Variants in ARHGAP5 observed in about 807,000 individuals in gnomAD.
ARHGAP5 encodes Rho GTPase activating protein 5, also known as rho GTPase-activating protein 5.
ARHGAP5 carries 23 observed loss-of-function variants against 116.6 expected under a neutral mutation model. The ratio of observed to expected loss-of-function variants is 0.20; its 90% confidence interval spans 0.14 to 0.28. The LOEUF is 0.28. Ranked by LOEUF, ARHGAP5 falls within the 10% of genes least tolerant of loss-of-function variation. The pLI, the probability that ARHGAP5 is intolerant of heterozygous loss-of-function variation, is 1.00. For synonymous variants in ARHGAP5, 574 were observed against 602.0 expected (o/e 0.95, Z 0.68); for missense variants, 1,405 against 1,774.8 (o/e 0.79, Z 3.74).
chr14:32,110,827 A>T (rs751623081), intron 2 of ARHGAP5, among the ~76,000 whole-genome samples: 11 of 152,208 alleles, frequency 7.2e-5, no homozygotes, highest in Non-Finnish European at 1.5e-4. Context: ...TTTGCTTAAC[A>T]GTTGGAAGTA....
At chr14:32,090,333 G>T (rs914343163) in intron 1 of ARHGAP5, among the ~76,000 whole-genome samples, 169 bp from the exon 2 acceptor site, 1 of 151,902 alleles carries the variant, frequency 6.6e-6, no homozygotes, top group Non-Finnish European at 1.5e-5. Flanking sequence ...AAATTTTGAG[G>T]TCATCTTGTA....
At chr14:32,105,089 A>C (rs1878949528) in intron 2 of ARHGAP5, among the ~76,000 whole-genome samples, 1 of 152,188 alleles carries the variant, frequency 6.6e-6, no homozygotes, top group Non-Finnish European at 1.5e-5. Flanking sequence ...AATAATCTTG[A>C]AGTTGAGAAA....
chr14:32,080,396 C>T (rs1469837337), intron 1 of ARHGAP5, among the ~76,000 whole-genome samples: 1 of 150,504 alleles, frequency 6.6e-6, no homozygotes, highest in Non-Finnish European at 1.5e-5. Flanking sequence ...AACAACAAAC[C>T]CCCTTGACAT....
intron 3 of ARHGAP5, among the ~76,000 whole-genome samples, chr14:32,117,752 G>T (rs1180783790): frequency 6.6e-6 from 1 of 152,138 alleles, no homozygotes; most frequent in East Asian, 1.9e-4. Context: ...TATTTATTCA[G>T]TTCTAGCTTG....
chr14:32,135,535 G>T (rs1016885851), intron 3 of ARHGAP5, among the ~76,000 whole-genome samples: 1 of 152,228 alleles, frequency 6.6e-6, no homozygotes, highest in African/African-American at 2.4e-5. Flanking sequence ...CAGTTCTCCT[G>T]CCTCAGCCTC....
intron 4 of ARHGAP5, among the ~76,000 whole-genome samples, chr14:32,147,709 A>G (rs982198579): frequency 4.6e-5 from 7 of 152,208 alleles, no homozygotes; most frequent in Admixed American, 3.9e-4. Flanking sequence ...AATAAGTAGA[A>G]TGAATACCAA....
At chr14:32,085,587 A>G (rs7140954) in intron 1 of ARHGAP5, among the ~76,000 whole-genome samples, 9,491 of 152,204 alleles carry the variant, frequency 0.062, 987 homozygotes, top group African/African-American at 0.21. Flanking sequence ...AGCTGCTTGC[A>G]AAAAGTTTGC....
At chr14:32,144,483 T>C (rs1356800427) in intron 3 of ARHGAP5, among the ~76,000 whole-genome samples, 1 of 151,742 alleles carries the variant, frequency 6.6e-6, no homozygotes, top group Non-Finnish European at 1.5e-5. Context: ...TTTATATTTA[T>C]ATTTATTTAT....
At chr14:32,083,872 C>T (rs1159193371) in intron 1 of ARHGAP5, among the ~76,000 whole-genome samples, 1 of 152,166 alleles carries the variant, frequency 6.6e-6, no homozygotes, top group Non-Finnish European at 1.5e-5. Flanking sequence ...AGGTGAACTA[C>T]CAAGCCATAG....
intron 3 of ARHGAP5, among the ~76,000 whole-genome samples, chr14:32,127,785 G>A (rs959584978): frequency 4.0e-5 from 6 of 151,520 alleles, no homozygotes; most frequent in Non-Finnish European, 7.4e-5. Flanking sequence ...GAGACAGGGC[G>A]GCTGGAGGCG....
chr14:32,091,854 T>A lies in ARHGAP5; in HGVS notation c.1185T>A (p.Ile395=), dbSNP rs1296576822. Residue 395 remains isoleucine (I), a synonymous_variant, in exon 2 of 7, where the codon ATT becomes ATA. Coordinates refer to ENST00000345122, the MANE Select transcript of ARHGAP5 (RefSeq NM_001030055.2). ...PWDETDHIDK[I]NDRRIPFDLL... ...ATGAAACTGACCATATAGACAAAAT[T>A]AATGATAGGCGGATTCCATTTGACC... 1 of 1,613,306 alleles carries A rather than the reference T, an allele frequency of 6.2e-7. No homozygotes were observed. The highest frequency in any genetic ancestry group is 1.7e-5 in the Admixed American group (1 of 59,932).
chr14:32,146,153 C>G, intron 3 of ARHGAP5, 110 bp from the exon 4 acceptor site: 1 of 715,880 alleles, frequency 1.4e-6, no homozygotes. Flanking sequence ...CCAAGCAGTT[C>G]TCCCACCTTG....
chr14:32,140,097 CTT>C (rs1182430088), intron 3 of ARHGAP5, among the ~76,000 whole-genome samples: 7 of 25,392 alleles, frequency 2.8e-4, no homozygotes, highest in African/African-American at 1.2e-3. Context: ...GTTATTTGTT[CTT>C]TTTTTTTTTT....
rs141924058 is a variant in ARHGAP5, at chr14:32,129,915, C to T, written c.3865+12628C>T. 1.2e-3 allele frequency among the ~76,000 whole-genome samples: 176 copies of T among 152,210 alleles called. 2 individuals carry two copies. The South Asian group carries it at 0.019, about 16-fold the overall frequency. On this transcript the variant is annotated intron_variant, in intron 3 of 6. Coordinates refer to ENST00000345122, the MANE Select transcript of ARHGAP5 (RefSeq NM_001030055.2). Reference sequence around the variant, plus strand: ...GCAGTTCACTTTGACTGTATGACCACACTTCCAGGCACAGTGGCTCACACC... The same window carrying T: ...GCAGTTCACTTTGACTGTATGACCATACTTCCAGGCACAGTGGCTCACACC...
At chr14:32,105,578 G>A (rs547651204) in intron 2 of ARHGAP5, among the ~76,000 whole-genome samples, 1 of 151,970 alleles carries the variant, frequency 6.6e-6, no homozygotes, top group Non-Finnish European at 1.5e-5. Context: ...CAGCCAGGGT[G>A]TTGACATTAA....
At chr14:32,137,833 G>T (rs1008495988) in intron 3 of ARHGAP5, among the ~76,000 whole-genome samples, 1 of 152,060 alleles carries the variant, frequency 6.6e-6, no homozygotes, top group African/African-American at 2.4e-5. Context: ...TTAGCCAGAC[G>T]TGGTGGCAGG....
chr14:32,117,339 T>C (rs772954591), intron 3 of ARHGAP5, 52 bp downstream of exon 3: 3 of 1,466,868 alleles, frequency 2.0e-6, no homozygotes, highest in South Asian at 2.6e-5. Context: ...TCACTTTTGA[T>C]ACACCAACAG....
chr14:32,097,229 G>A (rs1331506855), intron 2 of ARHGAP5, among the ~76,000 whole-genome samples: 1 of 152,144 alleles, frequency 6.6e-6, no homozygotes, highest in African/African-American at 2.4e-5. Flanking sequence ...TTTTAAATAA[G>A]GGATTTTGGG....
intron 3 of ARHGAP5, among the ~76,000 whole-genome samples, chr14:32,131,971 A>C (rs1880523053): frequency 6.6e-6 from 1 of 152,106 alleles, no homozygotes; most frequent in Admixed American, 6.5e-5. Context: ...CATTTTCTTA[A>C]TCCAGTCTGT....
Sources: allele counts gnomAD v4.1 joint callset (sites outside exome capture counted in the v4.1 genomes callset), GRCh38; gene constraint gnomAD v4.1.1; transcripts MANE v1.5; gene names NCBI Gene and HGNC (gene_info 2026-07-23, HGNC 2026-07-21).